GABBR2: variants seen among roughly 807,000 people sequenced by gnomAD.
The protein encoded by GABBR2 is G-protein coupled receptor 51.
In GABBR2, 23 loss-of-function variants were observed where a neutral mutation model predicts 105.6. The observed-to-expected ratio is 0.22, with a 90% CI of 0.16 to 0.31. GABBR2 has a LOEUF of 0.31. Among genes scored for constraint, GABBR2 ranks in the 10% least tolerant of loss-of-function variants. The pLI, the probability that GABBR2 is intolerant of heterozygous loss-of-function variation, is 1.00. For missense variants in GABBR2, 734 were observed against 1,245.5 expected (o/e 0.59, Z 6.18); for synonymous variants, 478 against 499.7 (o/e 0.96, Z 0.58).
At chr9:98,668,605 C>T (rs934669001) in intron 1 of GABBR2, among the ~76,000 whole-genome samples, 11 of 152,002 alleles carry the variant, frequency 7.2e-5, no homozygotes, top group Non-Finnish European at 1.5e-4. Flanking sequence ...CCACCACCAC[C>T]ACCATCCATC....
At chr9:98,594,964 G>C (rs1336596211) in intron 1 of GABBR2, among the ~76,000 whole-genome samples, 1 of 152,192 alleles carries the variant, frequency 6.6e-6, no homozygotes, top group East Asian at 1.9e-4. Flanking sequence ...GAGGAAACAG[G>C]TCAGAGCCCG....
chr9:98,606,952 C>T (rs1829432593), intron 1 of GABBR2: 9 of 726,822 alleles, frequency 1.2e-5, no homozygotes, highest in Admixed American at 1.8e-5. Context: ...TGCTTGCCCG[C>T]GGCTCCGCCT....
In GABBR2 at chr9:98,677,164, C is replaced by T. The variant is rs546917369; in HGVS notation, c.321+31253G>A. On this transcript the variant is annotated intron_variant, in intron 1 of 18. Transcript: ENST00000259455. ...ACTATTTGGAGCCCAACTGCACTAC[C>T]GTTGCCCAAGTCTTACCATCTGCAG... Among the ~76,000 whole-genome samples, 35 of 152,338 alleles carry T rather than the reference C, an allele frequency of 2.3e-4. 1 individual carries two copies. The highest frequency in any genetic ancestry group is 2.6e-4 in the Admixed American group (4 of 15,300).
chr9:98,641,520 A>C (rs1829962299), intron 1 of GABBR2, among the ~76,000 whole-genome samples: 2 of 152,198 alleles, frequency 1.3e-5, no homozygotes, highest in Non-Finnish European at 2.9e-5. Context: ...CCACGAACCC[A>C]TAAATCACTG....
chr9:98,435,276 G>A (rs1489706525), intron 7 of GABBR2, among the ~76,000 whole-genome samples: 1 of 152,172 alleles, frequency 6.6e-6, no homozygotes, highest in East Asian at 1.9e-4. Flanking sequence ...ATCTATTGAT[G>A]TATTTCTTTA....
chr9:98,439,059 C>T lies in GABBR2; in HGVS notation c.1236+14922G>A, dbSNP rs554283836. Among the ~76,000 whole-genome samples, 20 of 152,244 alleles carry T rather than the reference C, an allele frequency of 1.3e-4. No homozygotes were observed. In the South Asian group the frequency reaches 4.2e-3, roughly 32 times the overall value. ...GCCACCCTCATGGTTTTCACAATAT[C>T]TACCCGCCATCTGTGCTTTCCTTTA... On this transcript the variant is annotated intron_variant, in intron 7 of 18. Transcript: ENST00000259455.
intron 13 of GABBR2, among the ~76,000 whole-genome samples, chr9:98,348,536 T>G (rs1831338229): frequency 6.6e-6 from 1 of 152,218 alleles, no homozygotes; most frequent in Non-Finnish European, 1.5e-5. Flanking sequence ...TATGGTCATT[T>G]TAACAATATT....
At chr9:98,317,393 C>T (rs985344366) in intron 13 of GABBR2, among the ~76,000 whole-genome samples, 8 of 152,226 alleles carry the variant, frequency 5.3e-5, no homozygotes, top group East Asian at 1.9e-4. Flanking sequence ...TAGGTCAGTG[C>T]CCCCTGCAAA....
In GABBR2 at chr9:98,618,068, G is replaced by C. The variant is rs530899350; in HGVS notation, c.322-39996C>G. The stretch of plus-strand genomic sequence containing the variant: ...AAGTGCTCAAAAAAGAGTAGCTGTG[G>C]TTCTTATTCTTGCCATCATGAAGAA... On this transcript the variant is annotated intron_variant, in intron 1 of 18. Coordinates refer to ENST00000259455, the MANE Select transcript of GABBR2 (RefSeq NM_005458.8). 3.3e-5 allele frequency among the ~76,000 whole-genome samples: 5 copies of C among 152,266 alleles called. No individual in the cohort carries two copies. The South Asian group carries it at 8.3e-4, about 25-fold the overall frequency.
At chr9:98,541,091 T>G (rs374028009) in intron 3 of GABBR2, among the ~76,000 whole-genome samples, 2 of 152,240 alleles carry the variant, frequency 1.3e-5, no homozygotes, top group African/African-American at 4.8e-5. Context: ...TCAGAGGGGC[T>G]GGCTCGGTAA....
intron 7 of GABBR2, 48 bp downstream of exon 7, chr9:98,453,933 T>C: frequency 7.9e-7 from 1 of 1,273,012 alleles, no homozygotes; most frequent in Non-Finnish European, 1.1e-6. Flanking sequence ...TTGCTTTGCA[T>C]GTTTACAAGG....
chr9:98,400,057 C>T (rs943814353), intron 8 of GABBR2, among the ~76,000 whole-genome samples: 12 of 149,528 alleles, frequency 8.0e-5, no homozygotes, highest in Non-Finnish European at 1.2e-4. Flanking sequence ...TGGTGGTGCA[C>T]GCCTGTAGTT....
At chr9:98,661,991 A>G (rs2900546) in intron 1 of GABBR2, among the ~76,000 whole-genome samples, 141,490 of 152,218 alleles carry the variant, frequency 0.93, 65,890 homozygotes, top group African/African-American at 0.97. Context: ...AACTTCTCCC[A>G]CTTCAGTTCA....
chr9:98,325,003 C>T (rs569634491), intron 13 of GABBR2, among the ~76,000 whole-genome samples: 3 of 152,136 alleles, frequency 2.0e-5, no homozygotes, highest in Non-Finnish European at 2.9e-5. Flanking sequence ...TATAGGGTTA[C>T]GCAACTTTCG....
chr9:98,406,849 T>C (rs1832498976), intron 7 of GABBR2, among the ~76,000 whole-genome samples: 1 of 152,208 alleles, frequency 6.6e-6, no homozygotes, highest in African/African-American at 2.4e-5. Context: ...AATTTAGAGA[T>C]GGAATGTCAT....
At chr9:98,428,758 T>C (rs1825744198) in intron 7 of GABBR2, among the ~76,000 whole-genome samples, 1 of 152,144 alleles carries the variant, frequency 6.6e-6, no homozygotes, top group Non-Finnish European at 1.5e-5. Flanking sequence ...ATAAGGAAAA[T>C]GGGTTCCCTT....
intron 7 of GABBR2, among the ~76,000 whole-genome samples, chr9:98,411,870 G>A (rs1274754821): frequency 3.9e-5 from 6 of 152,080 alleles, no homozygotes; most frequent in South Asian, 2.1e-4. Context: ...CACTGCACCC[G>A]GCTGCAAAAT....
intron 4 of GABBR2, among the ~76,000 whole-genome samples, chr9:98,484,263 C>T (rs139497733): frequency 8.5e-5 from 13 of 152,244 alleles, no homozygotes; most frequent in African/African-American, 2.6e-4. Context: ...TTCAGTGCTC[C>T]CAGGCTGTTA....
chr9:98,577,175 A>G, intron 2 of GABBR2, among the ~76,000 whole-genome samples: 1 of 149,940 alleles, frequency 6.7e-6, no homozygotes, highest in Admixed American at 6.7e-5. Context: ...TGGATGGGTG[A>G]ACATATGGAT....
Sources: allele counts gnomAD v4.1 joint callset (sites outside exome capture counted in the v4.1 genomes callset), GRCh38; gene constraint gnomAD v4.1.1; transcripts MANE v1.5; gene names NCBI Gene and HGNC (gene_info 2026-07-23, HGNC 2026-07-21).